Variants in KCNH1 observed in about 807,000 individuals in gnomAD.
KCNH1 encodes voltage-gated delayed rectifier potassium channel KCNH1.
In KCNH1, 27 loss-of-function variants were observed where a neutral mutation model predicts 69.2. The observed-to-expected ratio is 0.39, with a 90% CI of 0.29 to 0.54. The LOEUF is 0.54. KCNH1 is among the 20% of genes least tolerant of loss of function. The probability of loss-of-function intolerance (pLI) is 0.68; values close to 1 mark genes in which losing one functional copy is unlikely to be tolerated. For missense variants in KCNH1, 798 were observed against 1,261.6 expected (o/e 0.63, Z 5.57); for synonymous variants, 456 against 487.7 (o/e 0.93, Z 0.86).
At chr1:210,917,372 T>C (rs1687369659) in intron 7 of KCNH1, among the ~76,000 whole-genome samples, 1 of 151,584 alleles carries the variant, frequency 6.6e-6, no homozygotes, top group South Asian at 2.1e-4. Context: ...AGAGATCACC[T>C]GACTCTCAGA....
At chr1:210,933,633 C>G (rs2102578911) in intron 6 of KCNH1, among the ~76,000 whole-genome samples, 1 of 151,576 alleles carries the variant, frequency 6.6e-6, no homozygotes, top group Non-Finnish European at 1.5e-5. Context: ...ATCAACAAAA[C>G]CATTAGCTAA....
chr1:210,787,514 C>G (rs1316312984), intron 9 of KCNH1, among the ~76,000 whole-genome samples: 1 of 152,178 alleles, frequency 6.6e-6, no homozygotes, highest in Non-Finnish European at 1.5e-5. Flanking sequence ...TAGCACTGTA[C>G]CTGATGCGTT....
chr1:210,948,067 AT>A (rs1344335822), intron 6 of KCNH1, among the ~76,000 whole-genome samples: 1 of 151,564 alleles, frequency 6.6e-6, no homozygotes, highest in African/African-American at 2.4e-5. Flanking sequence ...AAAGGAAAAA[AT>A]TAGCCCGAGT....
intron 7 of KCNH1, among the ~76,000 whole-genome samples, chr1:210,887,722 C>CAAA (rs35066964): frequency 4.2e-4 from 23 of 55,068 alleles, no homozygotes; most frequent in East Asian, 1.4e-3. Flanking sequence ...AATGGAAAGC[C>CAAA]AAAAAAAAAA....
At chr1:210,948,409 C>A (rs912024628) in intron 6 of KCNH1, among the ~76,000 whole-genome samples, 1 of 152,040 alleles carries the variant, frequency 6.6e-6, no homozygotes, top group South Asian at 2.1e-4. Flanking sequence ...AATGAAAAAT[C>A]ATTGAGTTAA....
At chr1:211,123,745 C>A (rs183478757) in intron 1 of KCNH1, among the ~76,000 whole-genome samples, 5 of 152,020 alleles carry the variant, frequency 3.3e-5, no homozygotes, top group African/African-American at 9.7e-5. Flanking sequence ...GAGCAAGAGA[C>A]CAATAATAGC....
intron 10 of KCNH1, among the ~76,000 whole-genome samples, chr1:210,757,084 T>C (rs1683414716): frequency 6.6e-6 from 1 of 152,194 alleles, no homozygotes; most frequent in South Asian, 2.1e-4. Context: ...GTGACTCTAT[T>C]TCTCTGATCC....
intron 9 of KCNH1, among the ~76,000 whole-genome samples, chr1:210,783,748 C>T (rs1440781360): frequency 6.6e-6 from 1 of 152,218 alleles, no homozygotes; most frequent in Non-Finnish European, 1.5e-5. Flanking sequence ...AGCCCTCTTA[C>T]ACCTGGACTG....
At chr1:211,074,495 T>C (rs1226392460) in intron 5 of KCNH1, among the ~76,000 whole-genome samples, 1 of 152,188 alleles carries the variant, frequency 6.6e-6, no homozygotes, top group Non-Finnish European at 1.5e-5. Context: ...ACAGTAATTG[T>C]ATCACGTTAG....
In KCNH1 at chr1:211,009,638, G is replaced by A. The variant is rs1052552193; in HGVS notation, c.1032+9145C>T. ...TTTTCTTTTTTTTTGAGATGGAGTCGCGCTCTGTCACCCAGGCTGGAGTGC... is the reference window on the plus strand; with the variant it reads ...TTTTCTTTTTTTTTGAGATGGAGTCACGCTCTGTCACCCAGGCTGGAGTGC... On this transcript the variant is annotated intron_variant, in intron 6 of 10. Transcript: ENST00000271751. Among the ~76,000 whole-genome samples, 13 of 150,524 alleles carry A rather than the reference G, an allele frequency of 8.6e-5. No homozygotes were observed. The East Asian group carries it at 1.4e-3, about 16-fold the overall frequency.
chr1:210,840,818 A>C (rs182208045), intron 7 of KCNH1, among the ~76,000 whole-genome samples: 4 of 152,294 alleles, frequency 2.6e-5, no homozygotes, highest in Admixed American at 6.5e-5. Flanking sequence ...CTACCGTTAA[A>C]ATAACAAAAC....
intron 6 of KCNH1, among the ~76,000 whole-genome samples, chr1:210,943,868 G>C (rs1461283131): frequency 3.9e-5 from 6 of 152,172 alleles, no homozygotes. Flanking sequence ...GGTGTCCTGG[G>C]ACTACCCAGG....
At chr1:210,834,802 G>A (rs1685247145) in intron 7 of KCNH1, among the ~76,000 whole-genome samples, 1 of 152,092 alleles carries the variant, frequency 6.6e-6, no homozygotes, top group Admixed American at 6.6e-5. Flanking sequence ...GAAGTAGCAT[G>A]GGAGGACACA....
intron 5 of KCNH1, among the ~76,000 whole-genome samples, chr1:211,073,939 T>A (rs1690689148): frequency 6.6e-6 from 1 of 151,344 alleles, no homozygotes. Context: ...AAAAAATCAA[T>A]AAAAATCAAT....
intron 7 of KCNH1, among the ~76,000 whole-genome samples, chr1:210,905,139 C>T (rs1310657742): frequency 6.6e-6 from 1 of 152,180 alleles, no homozygotes. Flanking sequence ...GTCTTCGATA[C>T]ACACAAAGTT....
intron 7 of KCNH1, among the ~76,000 whole-genome samples, chr1:210,832,493 TC>T (rs1685183240): frequency 6.6e-6 from 1 of 152,186 alleles, no homozygotes; most frequent in Non-Finnish European, 1.5e-5. Context: ...CTCCAGAATA[TC>T]AGTTATTCCT....
chr1:210,932,053 G>A (rs1604370), intron 6 of KCNH1, among the ~76,000 whole-genome samples: 4 of 151,974 alleles, frequency 2.6e-5, no homozygotes, highest in East Asian at 3.9e-4. Context: ...GAAAACCCAC[G>A]TAATGAAATA....
At chr1:211,106,868 T>C (rs1691357105) in intron 2 of KCNH1, among the ~76,000 whole-genome samples, 1 of 152,206 alleles carries the variant, frequency 6.6e-6, no homozygotes, top group Non-Finnish European at 1.5e-5. Flanking sequence ...TAGTTACCCT[T>C]CTAAAATGCT....
intron 10 of KCNH1, among the ~76,000 whole-genome samples, chr1:210,689,315 T>C (rs1236142587): frequency 1.3e-5 from 2 of 152,202 alleles, no homozygotes; most frequent in Non-Finnish European, 2.9e-5. Context: ...GCCCAGCTCT[T>C]CTCGTGCCTA....
Sources: allele counts gnomAD v4.1 joint callset (sites outside exome capture counted in the v4.1 genomes callset), GRCh38; gene constraint gnomAD v4.1.1; transcripts MANE v1.5; gene names NCBI Gene and HGNC (gene_info 2026-07-23, HGNC 2026-07-21).